ASPG: variants seen among roughly 807,000 people sequenced by gnomAD.
The protein encoded by ASPG is asparaginase, also known as 60 kDa lysophospholipase.
Under a neutral mutation model 63.2 loss-of-function variants are expected in ASPG, and 53 were observed. That is an observed-to-expected ratio of 0.84 (90% CI 0.67 to 1.05). The LOEUF (loss-of-function observed/expected upper bound fraction) is 1.05. Among genes scored for constraint, ASPG ranks in the 50% least tolerant of loss-of-function variants. The pLI is 0.00. For synonymous variants in ASPG, 370 were observed against 355.0 expected (o/e 1.04, Z -0.48); for missense variants, 741 against 794.4 (o/e 0.93, Z 0.81).
rs2036397648 is a variant in ASPG at position 104,092,482 on chromosome 14, C to T, written c.83-151C>T. On this transcript the variant is annotated intron_variant, in intron 1 of 15. Transcript: ENST00000551177. ...TCAGCCGCCTGCCCTCTGAGGGGTC[C>T]CAGGGGCAGCCATAGCCCTTCCTCC... 8 of 681,902 alleles carry T rather than the reference C, an allele frequency of 1.2e-5. No individual in the cohort carries two copies. In the South Asian group the frequency reaches 1.4e-4, roughly 12 times the overall value. The allele number at this position is 681,902 out of a possible 1,614,324, so 42.2% of individuals were successfully genotyped here.
At chr14:104,102,760 T>TCAATTG (rs2036934913) in intron 6 of ASPG, among the ~76,000 whole-genome samples, 1 of 151,928 alleles carries the variant, frequency 6.6e-6, no homozygotes, top group Admixed American at 6.6e-5. Flanking sequence ...CCCTGGGGGC[T>TCAATTG]CAATTGCTGC....
intron 4 of ASPG, 94 bp from the exon 5 acceptor site, chr14:104,097,459 TG>T: frequency 7.9e-7 from 1 of 1,265,860 alleles, no homozygotes; most frequent in Non-Finnish European, 1.1e-6. Flanking sequence ...CTGGGGCTCC[TG>T]GGCTGGGCCT....
rs1029653243 is a variant in ASPG, at chr14:104,108,494, G to A, written c.1434-735G>A. On this transcript the variant is annotated intron_variant, in intron 12 of 15. Coordinates refer to ENST00000551177, the MANE Select transcript of ASPG (RefSeq NM_001080464.3). Reference sequence around the variant, plus strand: ...GCCTGGCCCTGCTGTGCCTGAGTGGGGTATGGGGAGGCCACTGCCTCATAC... The same window carrying A: ...GCCTGGCCCTGCTGTGCCTGAGTGGAGTATGGGGAGGCCACTGCCTCATAC... The A allele has an allele frequency of 3.0e-6, 3 of 985,324 alleles. No homozygotes were observed. In the African/African-American group the frequency reaches 5.2e-5, roughly 17 times the overall value. 61.0% of individuals were successfully genotyped at this position (985,324 alleles called of 1,614,324 possible). A position where few individuals can be genotyped will look rare whatever the true frequency, so the allele number is the denominator to read the frequency against.
chr14:104,095,664 C>T lies in ASPG; in HGVS notation c.429+8C>T, dbSNP rs1339769365. The stretch of plus-strand genomic sequence containing the variant: ...ATCCTCACTGGGGCCCAGGTAATCC[C>T]AGGGGCCCGGGGCTCCTAGGAACAG... On this transcript the variant is annotated splice_region_variant and intron_variant, in intron 4 of 15. Coordinates refer to ENST00000551177, the MANE Select transcript of ASPG (RefSeq NM_001080464.3). 1.2e-6 allele frequency: 2 copies of T among 1,612,140 alleles called. No individual in the cohort carries two copies. The highest frequency in any genetic ancestry group is 2.7e-5 in the African/African-American group (2 of 74,934).
In ASPG at chr14:104,112,638, C is replaced by CAGCCTG; in HGVS notation, c.*95_*100dup. On this transcript the variant is annotated 3_prime_UTR_variant, in exon 16 of 16. Transcript: ENST00000551177. ...TGACCCCACTGCTGGGGCTGCTTCC[C>CAGCCTG]AGCCTGCTCTCATGTAAAGCCTGAA... The CAGCCTG allele has an allele frequency of 6.4e-7, 1 of 1,559,620 alleles. No homozygotes were observed. The highest frequency in any genetic ancestry group is 8.6e-7 in the Non-Finnish European group (1 of 1,157,692).
rs1228196680 is a variant in ASPG, at chr14:104,107,310, T to A, written c.1398T>A (p.Asp466Glu). The A allele has an allele frequency of 1.2e-6, 2 of 1,601,588 alleles. No individual in the cohort carries two copies. Among genetic ancestry groups the A allele is most frequent in the Non-Finnish European group, 1.7e-6 (2 of 1,172,986 alleles). Residue 466 changes from aspartate to glutamate, a missense_variant, in exon 12 of 16, where the codon GAT becomes GAA. Asp to Glu is a conservative substitution (Grantham distance 45). Coordinates refer to ENST00000551177, the MANE Select transcript of ASPG (RefSeq NM_001080464.3). ...TGGACGTGAACACCCGGGACACGGA[T>A]GGCTTCAGCCCGCTGCTGCTGGCCG... ...RGVDVNTRDT[D>E]GFSPLLLAVR...
Position 104,104,322 on chromosome 14 carries a change from C to T in ASPG, c.772C>T (p.Pro258Ser), listed in dbSNP as rs1226942887. The T allele has an allele frequency of 6.2e-6, 10 of 1,611,928 alleles. No individual in the cohort carries two copies. Among genetic ancestry groups the T allele is most frequent in the Non-Finnish European group, 8.5e-6 (10 of 1,179,308 alleles). ...PAALVRAFLQ[P>S]PLKGVVMETF... Reference sequence around the variant, plus strand: ...CCCACAGGTTCGGGCCTTCTTGCAGCCTCCCCTGAAGGGCGTGGTCATGGA... The same window carrying T: ...CCCACAGGTTCGGGCCTTCTTGCAGTCTCCCCTGAAGGGCGTGGTCATGGA... The change falls in exon 8 of 16, where the codon CCT becomes TCT. Residue 258 changes from proline to serine, a missense_variant. Pro to Ser is a moderately conservative substitution (Grantham distance 74, BLOSUM62 -1). Coordinates refer to ENST00000551177, the MANE Select transcript of ASPG (RefSeq NM_001080464.3).
chr14:104,101,567 C>T (rs1485295675), intron 6 of ASPG, among the ~76,000 whole-genome samples: 1 of 152,174 alleles, frequency 6.6e-6, no homozygotes, highest in Non-Finnish European at 1.5e-5. Context: ...GCAAATCCTG[C>T]ACCCTTACCC....
At position 104,095,665 on chromosome 14, in the gene ASPG, A is replaced by G. The variant is rs1379422556; in HGVS notation, c.429+9A>G. On this transcript the variant is annotated intron_variant, in intron 4 of 15. Coordinates refer to ENST00000551177, the MANE Select transcript of ASPG (RefSeq NM_001080464.3). The stretch of plus-strand genomic sequence containing the variant: ...TCCTCACTGGGGCCCAGGTAATCCC[A>G]GGGGCCCGGGGCTCCTAGGAACAGG... 3 of 1,611,992 alleles carry G rather than the reference A, an allele frequency of 1.9e-6. No homozygotes were observed. The highest frequency in any genetic ancestry group is 1.7e-5 in the Admixed American group (1 of 60,002).
At chr14:104,087,715 C>A (rs1448201448) in intron 1 of ASPG, among the ~76,000 whole-genome samples, 3 of 152,166 alleles carry the variant, frequency 2.0e-5, no homozygotes, top group African/African-American at 7.2e-5. Flanking sequence ...TCGTTGAGCT[C>A]AACATGTAGT....
intron 12 of ASPG, chr14:104,108,797 G>T: frequency 1.0e-6 from 1 of 985,434 alleles, no homozygotes; most frequent in Non-Finnish European, 1.2e-6. Context: ...AGGTCACCAC[G>T]GGGTGTGATC....
rs1438106695 is a variant in ASPG at position 104,107,217 on chromosome 14, A to T, written c.1305A>T (p.Gln435His). ...SDLGLVDFNG[Q>H]TPLHAAARGG... is the part of the protein sequence containing the mutation. The stretch of plus-strand genomic sequence containing the variant: ...TGGGCCTGGTGGACTTTAACGGCCA[A>T]ACCCCACTGCACGCGGCCGCCCGGG... The change falls in exon 12 of 16, where the codon CAA becomes CAT. Residue 435 changes from glutamine to histidine, a missense_variant. Physicochemically the swap from Gln to His is conservative, Grantham distance 24. Coordinates refer to ENST00000551177, the MANE Select transcript of ASPG (RefSeq NM_001080464.3). 6.3e-7 allele frequency: 1 copy of T among 1,597,528 alleles called. No homozygotes were observed. Among genetic ancestry groups the T allele is most frequent in the South Asian group, 1.1e-5 (1 of 89,206 alleles).
intron 15 of ASPG, 81 bp from the exon 16 acceptor site, chr14:104,112,443 G>T: frequency 1.2e-6 from 1 of 846,492 alleles, no homozygotes; most frequent in East Asian, 2.5e-5. Context: ...GTGCCGTACA[G>T]ACGGGGTGCC....
In ASPG at chr14:104,103,668, C is replaced by G; in HGVS notation, c.746C>G (p.Ala249Gly). The change falls in exon 7 of 16, where the codon GCC becomes GGC. Residue 249 changes from alanine to glycine, a missense_variant. By Grantham distance (60) the Ala-to-Gly change is moderately conservative. Coordinates refer to ENST00000551177, the MANE Select transcript of ASPG (RefSeq NM_001080464.3). Reference protein sequence around the residue: ...GLLRLYPGIPAALVRAFLQPP... With the variant: ...GLLRLYPGIPGALVRAFLQPP... Reference sequence around the variant, plus strand: ...CTGCGCCTCTACCCTGGGATCCCTGCCGCCCTGGTAGGGACCGCCCCGGCC... The same window carrying G: ...CTGCGCCTCTACCCTGGGATCCCTGGCGCCCTGGTAGGGACCGCCCCGGCC... 1 of 1,547,584 alleles carries G rather than the reference C, an allele frequency of 6.5e-7. No individual in the cohort carries two copies. The highest frequency in any genetic ancestry group is 8.7e-7 in the Non-Finnish European group (1 of 1,146,480).
At chr14:104,100,494 C>T (rs1279553327) in intron 6 of ASPG, among the ~76,000 whole-genome samples, 1 of 152,180 alleles carries the variant, frequency 6.6e-6, no homozygotes, top group African/African-American at 2.4e-5. Flanking sequence ...GGCAGGCTCC[C>T]ACAGGGAGGC....
chr14:104,112,828 C>A lies in ASPG; in HGVS notation c.*284C>A, dbSNP rs979072173. Reference sequence around the variant, plus strand: ...GCGGGGGTCACTTGGCCCATCCTTCCGGGGGCAGCTGTGCGTGTGAGCTGG... The same window carrying A: ...GCGGGGGTCACTTGGCCCATCCTTCAGGGGGCAGCTGTGCGTGTGAGCTGG... On this transcript the variant is annotated 3_prime_UTR_variant, in exon 16 of 16. Coordinates refer to ENST00000551177, the MANE Select transcript of ASPG (RefSeq NM_001080464.3). 2 of 553,792 alleles carry A rather than the reference C, an allele frequency of 3.6e-6. No homozygotes were observed. The highest frequency in any genetic ancestry group is 1.9e-5 in the African/African-American group (1 of 52,462). 34.3% of individuals were successfully genotyped at this position (553,792 alleles called of 1,614,324 possible). A position where few individuals can be genotyped will look rare whatever the true frequency, so the allele number is the denominator to read the frequency against.
chr14:104,097,809 A>G (rs957870585), intron 5 of ASPG, among the ~76,000 whole-genome samples, 172 bp downstream of exon 5: 3 of 151,794 alleles, frequency 2.0e-5, no homozygotes, highest in Admixed American at 1.3e-4. Context: ...TACGTATGGA[A>G]GTTCTACGTT....
Position 104,109,870 on chromosome 14 carries a change from C to A in ASPG, c.1520+555C>A. 1.2e-6 allele frequency: 1 copy of A among 851,602 alleles called. No homozygotes were observed. The highest frequency in any genetic ancestry group is 1.4e-6 in the Non-Finnish European group (1 of 708,000). 52.8% of individuals were successfully genotyped at this position (851,602 alleles called of 1,614,324 possible). A position where few individuals can be genotyped will look rare whatever the true frequency, so the allele number is the denominator to read the frequency against. The stretch of plus-strand genomic sequence containing the variant: ...GGCCAGTGTGCCTTCCGATCTCATG[C>A]TGCCGAGTGACCACCGAGGCAGGCT... On this transcript the variant is annotated intron_variant, in intron 13 of 15. Transcript: ENST00000551177. This position sits in a 1 kb window ranked among gnomAD's most constrained non-coding sequence, Gnocchi z 4.8.
At position 104,109,285 on chromosome 14, in the gene ASPG, A is replaced by G. The variant is rs1188321591; in HGVS notation, c.1490A>G (p.Glu497Gly). The part of the protein sequence containing the change: ...REAGASLSTQ[E>G]LEEAGTELCR... ...GCCGGGGCCTCCCTGTCCACCCAGG[A>G]GCTGGAGGAAGCAGGGACGGAGCTG... The change falls in exon 13 of 16, where the codon GAG becomes GGG. Residue 497 changes from glutamate (E) to glycine (G), a missense_variant. Glu to Gly is a moderately conservative substitution (Grantham distance 98). Transcript: ENST00000551177. This position sits in a 1 kb window ranked among gnomAD's most constrained non-coding sequence, Gnocchi z 4.8. The G allele has an allele frequency of 3.1e-6, 5 of 1,612,654 alleles. No individual in the cohort carries two copies. Among genetic ancestry groups the G allele is most frequent in the Non-Finnish European group, 4.2e-6 (5 of 1,179,630 alleles).
Sources: gnomAD v4.1 joint callset for allele counts (sites outside exome capture counted in the v4.1 genomes callset) on GRCh38, gnomAD v4.1.1 for gene constraint, Gnocchi (gnomAD v3.1) non-coding constraint, MANE v1.5 for transcripts, NCBI Gene and HGNC (gene_info 2026-07-23, HGNC 2026-07-21) for gene names.